The following ADGRB3 variants were observed in gnomAD, a reference collection of about 807,000 sequenced individuals.
ADGRB3 encodes the protein adhesion G protein-coupled receptor B3.
A neutral mutation model predicts 193.4 loss-of-function variants in ADGRB3; 37 were observed. The ratio of observed to expected loss-of-function variants is 0.19; its 90% CI spans 0.15 to 0.25. ADGRB3 has a LOEUF of 0.25. Ranked by LOEUF, ADGRB3 falls within the 10% of genes least tolerant of loss-of-function variation. The probability of loss-of-function intolerance (pLI) is 1.00; values close to 1 mark genes in which losing one functional copy is unlikely to be tolerated. For synonymous variants in ADGRB3, 690 were observed against 644.2 expected, an observed-to-expected ratio of 1.07 and a Z score of -1.08; for missense variants, 1,637 against 1,852.9, an observed-to-expected ratio of 0.88 and a Z score of 2.14.
intron 17 of ADGRB3, among the ~76,000 whole-genome samples, chr6:69,227,215 G>A (rs1161728143): frequency 6.6e-6 from 1 of 152,124 alleles, no homozygotes; most frequent in African/African-American, 2.4e-5. Flanking sequence ...TGCCAAGAAA[G>A]GCCAATAAGG....
chr6:69,122,252 C>T (rs953690527), intron 17 of ADGRB3, among the ~76,000 whole-genome samples: 4 of 151,720 alleles, frequency 2.6e-5, no homozygotes, highest in African/African-American at 9.7e-5. Context: ...AGCCGGAGAC[C>T]AGCCTGGTCA....
At position 69,135,185 on chromosome 6, in the gene ADGRB3, T is replaced by G. The variant is rs559644874; in HGVS notation, c.2480+59147T>G. Among the ~76,000 whole-genome samples, 108 of 152,132 alleles carry G rather than the reference T, an allele frequency of 7.1e-4. 1 individual carries two copies. In the South Asian group the frequency reaches 0.021, roughly 29 times the overall value. On this transcript the variant is annotated intron_variant, in intron 17 of 31. Coordinates refer to ENST00000370598, the MANE Select transcript of ADGRB3 (RefSeq NM_001704.3). ...TCCAAATAAGTACCAGAGCTGATTATGCTAAGTAGTGAGTTCATTGTCCAT... is the reference window on the plus strand; with the variant it reads ...TCCAAATAAGTACCAGAGCTGATTAGGCTAAGTAGTGAGTTCATTGTCCAT...
intron 21 of ADGRB3, 46 bp from the exon 22 acceptor site, chr6:69,327,774 A>G: frequency 6.4e-7 from 1 of 1,562,794 alleles, no homozygotes; most frequent in Non-Finnish European, 8.8e-7. Flanking sequence ...CAGTATGCAT[A>G]GTGGTTATAG....
At chr6:68,879,578 C>CA (rs151138790) in intron 3 of ADGRB3, among the ~76,000 whole-genome samples, 13,740 of 151,904 alleles carry the variant, frequency 0.09, 823 homozygotes, top group Non-Finnish European at 0.13. Flanking sequence ...CAACTGGTAG[C>CA]AAAAAAGGTT....
chr6:69,179,123 C>A (rs991863860), intron 17 of ADGRB3, among the ~76,000 whole-genome samples: 4 of 152,096 alleles, frequency 2.6e-5, no homozygotes, highest in African/African-American at 9.7e-5. Context: ...TCCAATATTT[C>A]TCAAAGAAAT....
At chr6:68,855,209 T>C (rs1388659305) in intron 3 of ADGRB3, among the ~76,000 whole-genome samples, 3 of 152,208 alleles carry the variant, frequency 2.0e-5, no homozygotes, top group Non-Finnish European at 4.4e-5. Flanking sequence ...TATCTTTTAA[T>C]ATCTACAGCA....
intron 3 of ADGRB3, among the ~76,000 whole-genome samples, chr6:68,749,932 A>G (rs531863668): frequency 1.3e-5 from 2 of 152,304 alleles, no homozygotes; most frequent in East Asian, 3.9e-4. Context: ...TGAGTTAACA[A>G]TTTAATGTGG....
intron 17 of ADGRB3, among the ~76,000 whole-genome samples, chr6:69,228,342 G>C (rs1047449204): frequency 7.2e-5 from 11 of 152,108 alleles, no homozygotes; most frequent in African/African-American, 2.7e-4. Context: ...ATTCAAAGTC[G>C]ACATAATATA....
At chr6:69,126,768 A>C (rs538222334) in intron 17 of ADGRB3, among the ~76,000 whole-genome samples, 1 of 152,298 alleles carries the variant, frequency 6.6e-6, no homozygotes, top group South Asian at 2.1e-4. Flanking sequence ...GTTGACACCT[A>C]AAATTAACCA....
intron 3 of ADGRB3, among the ~76,000 whole-genome samples, chr6:68,710,010 T>C (rs1444138131): frequency 5.9e-5 from 9 of 152,152 alleles, no homozygotes; most frequent in Admixed American, 1.3e-4. Flanking sequence ...CTGACACATG[T>C]TAACACATAT....
chr6:69,230,085 CA>C (rs1241912018), intron 17 of ADGRB3, among the ~76,000 whole-genome samples: 1 of 152,076 alleles, frequency 6.6e-6, no homozygotes, highest in Non-Finnish European at 1.5e-5. Context: ...GGAATTTCTG[CA>C]AACATAGTTA....
At chr6:68,796,439 T>A (rs557120089) in intron 3 of ADGRB3, among the ~76,000 whole-genome samples, 7 of 152,188 alleles carry the variant, frequency 4.6e-5, no homozygotes, top group Non-Finnish European at 8.8e-5. Flanking sequence ...ATTATCTTTG[T>A]CATTCTTTTG....
chr6:69,179,451 A>G (rs1347850450), intron 17 of ADGRB3, among the ~76,000 whole-genome samples: 1 of 152,110 alleles, frequency 6.6e-6, no homozygotes, highest in Non-Finnish European at 1.5e-5. Context: ...CTTCCTTACA[A>G]TCCTTGCTTT....
intron 3 of ADGRB3, among the ~76,000 whole-genome samples, chr6:68,761,255 T>C (rs1264594989): frequency 6.6e-6 from 1 of 152,208 alleles, no homozygotes; most frequent in Non-Finnish European, 1.5e-5. Context: ...TAATAGATAG[T>C]ATGTAGACAG....
At chr6:69,300,704 A>T (rs1304924579) in intron 20 of ADGRB3, among the ~76,000 whole-genome samples, 2 of 151,966 alleles carry the variant, frequency 1.3e-5, no homozygotes, top group East Asian at 3.9e-4. Context: ...TGAGAATGTA[A>T]TACAATTTAC....
intron 17 of ADGRB3, among the ~76,000 whole-genome samples, chr6:69,216,669 CAG>C (rs1487666281): frequency 1.3e-5 from 2 of 152,084 alleles, no homozygotes; most frequent in African/African-American, 4.8e-5. Context: ...TCCAGAGAAA[CAG>C]AAAAATAGCC....
chr6:69,253,046 A>T (rs1766658253), intron 20 of ADGRB3, among the ~76,000 whole-genome samples: 1 of 152,006 alleles, frequency 6.6e-6, no homozygotes, highest in Admixed American at 6.6e-5. Flanking sequence ...TGTTCAAAAA[A>T]TTTCCTTTTC....
intron 17 of ADGRB3, among the ~76,000 whole-genome samples, chr6:69,202,259 T>C (rs758671547): frequency 2.6e-5 from 4 of 152,182 alleles, no homozygotes; most frequent in Non-Finnish European, 5.9e-5. Context: ...AGGACAATTC[T>C]GAGATTGAAC....
intron 3 of ADGRB3, among the ~76,000 whole-genome samples, chr6:68,920,213 G>T (rs1013723970): frequency 3.3e-5 from 5 of 152,042 alleles, no homozygotes; most frequent in African/African-American, 1.2e-4. Context: ...AAGCTCCAAA[G>T]ATAAAAAGTC....
Sources: gnomAD v4.1 joint callset for allele counts (sites outside exome capture counted in the v4.1 genomes callset) on GRCh38, gnomAD v4.1.1 for gene constraint, MANE v1.5 for transcripts, NCBI Gene and HGNC (gene_info 2026-07-23, HGNC 2026-07-21) for gene names.